Variants in RASSF3 observed in about 807,000 individuals in gnomAD.
RASSF3 encodes ras association domain-containing protein 3.
In RASSF3, 19 loss-of-function variants were observed where a neutral mutation model predicts 19.9. The ratio of observed to expected loss-of-function variants is 0.96; its 90% CI spans 0.67 to 1.40. The LOEUF is 1.40. Among genes scored for constraint, RASSF3 ranks in the 40% most tolerant of loss-of-function variants. The pLI, the probability that RASSF3 is intolerant of heterozygous loss-of-function variation, is 0.00. For missense variants in RASSF3, 306 were observed against 289.8 expected, an observed-to-expected ratio of 1.06 and a Z score of -0.41; for synonymous variants, 110 against 104.2, an observed-to-expected ratio of 1.06 and a Z score of -0.34.
At chr12:64,551,242 C>G (rs186503019) in intron 2 of RASSF3, among the ~76,000 whole-genome samples, 2 of 152,274 alleles carry the variant, frequency 1.3e-5, no homozygotes, top group Admixed American at 1.3e-4. Flanking sequence ...AGTTAAGTCA[C>G]TTAATCTCAT....
At chr12:64,667,821 C>T (rs1365547387) in intron 1 of RASSF3, among the ~76,000 whole-genome samples, 1 of 152,200 alleles carries the variant, frequency 6.6e-6, no homozygotes, top group East Asian at 1.9e-4. Flanking sequence ...AGAATGTTGC[C>T]CTCAAAAGAG....
intron 2 of RASSF3, among the ~76,000 whole-genome samples, chr12:64,562,041 A>T (rs1869357529): frequency 8.7e-6 from 1 of 115,482 alleles, no homozygotes; most frequent in African/African-American, 2.7e-5. Flanking sequence ...GTTTTGAGAC[A>T]GAGTCTTGCT....
chr12:64,551,344 G>A (rs1012105755), intron 2 of RASSF3, among the ~76,000 whole-genome samples: 3 of 152,166 alleles, frequency 2.0e-5, no homozygotes, highest in African/African-American at 7.2e-5. Context: ...GGAGGCTGAG[G>A]CGAGTGGATC....
At position 64,653,409 on chromosome 12, in the gene RASSF3, C is replaced by T. The variant is rs11611638; in HGVS notation, c.112-31378C>T. Among the ~76,000 whole-genome samples, 1,063 of 152,156 alleles carry T rather than the reference C, an allele frequency of 7.0e-3. 9 individuals carry two copies. Among genetic ancestry groups the T allele is most frequent in the Non-Finnish European group, 0.011 (759 of 67,998 alleles). The stretch of plus-strand genomic sequence containing the variant: ...TAATATCCCCTTTTCTTAGGGACAT[C>T]AGTTATATTGCATTAGGAACCATGC... On this transcript the variant is annotated intron_variant, in intron 1 of 4. Coordinates refer to ENST00000542104, the MANE Select transcript of RASSF3 (RefSeq NM_178169.4).
chr12:64,550,571 G>A (rs888158525), intron 2 of RASSF3, among the ~76,000 whole-genome samples: 2 of 151,880 alleles, frequency 1.3e-5, no homozygotes, highest in East Asian at 1.9e-4. Flanking sequence ...TAGGAGATTC[G>A]CTTGAACCCG....
chr12:64,586,489 C>CAAAA (rs1455536821), intron 2 of RASSF3, among the ~76,000 whole-genome samples: 3 of 24,262 alleles, frequency 1.2e-4, no homozygotes, highest in African/African-American at 8.7e-4. Context: ...GACTCCTTCT[C>CAAAA]AGAAAAAAAA....
chr12:64,641,080 G>A (rs896897011), intron 1 of RASSF3, among the ~76,000 whole-genome samples: 9 of 152,002 alleles, frequency 5.9e-5, no homozygotes, highest in African/African-American at 1.9e-4. Flanking sequence ...CGTTTGGATC[G>A]TTTCCATGTG....
chr12:64,553,289 T>C (rs1035168852), intron 2 of RASSF3, among the ~76,000 whole-genome samples: 1 of 152,144 alleles, frequency 6.6e-6, no homozygotes, highest in Admixed American at 6.6e-5. Flanking sequence ...TCAGTTTAAA[T>C]AGGAAGCAAA....
At chr12:64,626,178 C>CA (rs1342445123) in intron 1 of RASSF3, among the ~76,000 whole-genome samples, 2 of 152,026 alleles carry the variant, frequency 1.3e-5, no homozygotes, top group Non-Finnish European at 2.9e-5. Context: ...TTATTATTAA[C>CA]AAGTTAATTC....
At chr12:64,570,490 G>A (rs1869500666) in intron 2 of RASSF3, among the ~76,000 whole-genome samples, 2 of 152,210 alleles carry the variant, frequency 1.3e-5, no homozygotes, top group South Asian at 2.1e-4. Context: ...CTGTGACCAC[G>A]CAATTTGAGG....
downstream of RASSF3, among the ~76,000 whole-genome samples, chr12:64,543,452 G>GCCCA (rs1293762384): frequency 9.2e-5 from 1 of 10,862 alleles, no homozygotes; most frequent in African/African-American, 4.3e-4. Context: ...GTGCCCGCCC[G>GCCCA]CCCCCCGCTC....
At chr12:64,684,011 T>TGA (rs965480977) in intron 1 of RASSF3, among the ~76,000 whole-genome samples, 1 of 83,286 alleles carries the variant, frequency 1.2e-5, no homozygotes, top group Non-Finnish European at 3.0e-5. Context: ...AGAGAGAGAG[T>TGA]GAGTGTGTGT....
intron 2 of RASSF3, among the ~76,000 whole-genome samples, chr12:64,603,547 C>T (rs1377492960): frequency 2.6e-5 from 4 of 152,142 alleles, no homozygotes; most frequent in Non-Finnish European, 5.9e-5. Context: ...TCCTATAAAC[C>T]GGGGTTACCT....
At position 64,603,098 on chromosome 12, in the gene RASSF3, C is replaced by CA. The variant is rs376205043; in HGVS notation, c.294+61402dup. Among the ~76,000 whole-genome samples, 383 of 142,200 alleles carry CA rather than the reference C, an allele frequency of 2.7e-3. 2 individuals carry two copies. The highest frequency in any genetic ancestry group is 0.011 in the Middle Eastern group (3 of 284). The allele number at this position is 142,200 out of a possible 152,430, so 93.3% of individuals were successfully genotyped here. On this transcript the variant is annotated intron_variant, in intron 2 of 5. Coordinates refer to the RASSF3 transcript ENST00000637125. ...TGGGTGACAGAGCAAAACTCTGTCTCAAAAAAAAAGAAAAAAAAAGAGTTG... is the reference window on the plus strand; with the variant it reads ...TGGGTGACAGAGCAAAACTCTGTCTCAAAAAAAAAAGAAAAAAAAAGAGTTG...
intron 1 of RASSF3, among the ~76,000 whole-genome samples, 185 bp from the exon 2 acceptor site, chr12:64,684,602 C>T (rs544452757): frequency 2.6e-5 from 4 of 151,692 alleles, no homozygotes; most frequent in Admixed American, 1.3e-4. Context: ...CAGCTAATTT[C>T]GTAATTTTAG....
chr12:64,661,462 G>A (rs996507282), intron 1 of RASSF3, among the ~76,000 whole-genome samples: 7 of 151,878 alleles, frequency 4.6e-5, no homozygotes, highest in Non-Finnish European at 1.0e-4. Flanking sequence ...CAGCTTGGGC[G>A]ACAAAGTGAG....
At chr12:64,648,777 G>A (rs1185227147) in intron 1 of RASSF3, among the ~76,000 whole-genome samples, 1 of 148,894 alleles carries the variant, frequency 6.7e-6, no homozygotes. Context: ...CACCAAGCCC[G>A]GCCAAGCTTC....
At chr12:64,594,965 C>T (rs921255789) in intron 2 of RASSF3, among the ~76,000 whole-genome samples, 5 of 150,984 alleles carry the variant, frequency 3.3e-5, no homozygotes, top group Middle Eastern at 3.2e-3. Context: ...AGGAGAATGA[C>T]TCCAAAGACA....
intron 2 of RASSF3, among the ~76,000 whole-genome samples, chr12:64,577,243 C>G (rs1331514305): frequency 6.6e-6 from 1 of 152,198 alleles, no homozygotes; most frequent in African/African-American, 2.4e-5. Context: ...CTATTTCTAG[C>G]CCTGTTGACA....
Sources: gnomAD v4.1 joint callset for allele counts (sites outside exome capture counted in the v4.1 genomes callset) on GRCh38, gnomAD v4.1.1 for gene constraint, MANE v1.5 for transcripts, NCBI Gene and HGNC (gene_info 2026-07-23, HGNC 2026-07-21) for gene names.